The following CAMK2D variants were observed in gnomAD, a reference collection of about 807,000 sequenced individuals.
CAMK2D encodes calcium/calmodulin dependent protein kinase II delta.
CAMK2D carries 37 observed loss-of-function variants against 84.0 expected under a neutral mutation model. The ratio of observed to expected loss-of-function variants is 0.44; its 90% CI spans 0.34 to 0.58. The LOEUF (loss-of-function observed/expected upper bound fraction) is 0.58. Among genes scored for constraint, CAMK2D ranks in the 20% least tolerant of loss-of-function variants. The pLI, the probability that CAMK2D is intolerant of heterozygous loss-of-function variation, is 0.02. For missense variants in CAMK2D, 448 were observed against 652.5 expected (o/e 0.69, Z 3.41); for synonymous variants, 202 against 212.5 (o/e 0.95, Z 0.43).
At chr4:113,758,922 A>G (rs2099634675) in intron 2 of CAMK2D, among the ~76,000 whole-genome samples, 1 of 152,170 alleles carries the variant, frequency 6.6e-6, no homozygotes, top group South Asian at 2.1e-4. Flanking sequence ...GTATGATTCA[A>G]CTGAGCTATG....
At chr4:113,556,295 T>C (rs1190622918) in intron 4 of CAMK2D, among the ~76,000 whole-genome samples, 2 of 152,198 alleles carry the variant, frequency 1.3e-5, no homozygotes, top group Non-Finnish European at 2.9e-5. Flanking sequence ...TTCTTGTCTG[T>C]GCTGCCCTAC....
At chr4:113,718,997 C>A (rs1593513866) in intron 2 of CAMK2D, among the ~76,000 whole-genome samples, 1 of 150,414 alleles carries the variant, frequency 6.6e-6, no homozygotes, top group South Asian at 2.1e-4. Flanking sequence ...AAATAGATAA[C>A]AATTTAACAA....
chr4:113,483,445 G>A lies in CAMK2D; in HGVS notation c.1135+17018C>T, dbSNP rs1030595495. Among the ~76,000 whole-genome samples the A allele has an allele frequency of 4.7e-5, 7 of 150,308 alleles. No homozygotes were observed. The East Asian group carries it at 5.8e-4, about 13-fold the overall frequency. On this transcript the variant is annotated intron_variant, in intron 16 of 20. Transcript: ENST00000511664. ...TTTGAGACAGAGTTTTGCTTTTGTC[G>A]CGCAGGCTGGAGTGCAGTGGCACAA...
intron 2 of CAMK2D, among the ~76,000 whole-genome samples, chr4:113,691,299 T>C (rs2099386317): frequency 6.6e-6 from 1 of 152,188 alleles, no homozygotes; most frequent in African/African-American, 2.4e-5. Flanking sequence ...GTTCAGAACA[T>C]GAAGGTATAT....
At chr4:113,484,901 T>C (rs1388448127) in intron 16 of CAMK2D, among the ~76,000 whole-genome samples, 2 of 152,314 alleles carry the variant, frequency 1.3e-5, no homozygotes, top group Non-Finnish European at 2.9e-5. Flanking sequence ...TCATGTTTGA[T>C]AGAAAACCTC....
At chr4:113,602,464 TAG>T (rs1388825410) in intron 4 of CAMK2D, among the ~76,000 whole-genome samples, 3 of 152,208 alleles carry the variant, frequency 2.0e-5, no homozygotes, top group Non-Finnish European at 4.4e-5. Flanking sequence ...CATAAATTTG[TAG>T]AGTTTTCTCT....
intron 11 of CAMK2D, 104 bp downstream of exon 11, chr4:113,513,726 G>A (rs2098249099): frequency 4.7e-6 from 3 of 636,430 alleles, no homozygotes; most frequent in Non-Finnish European, 8.5e-6. Context: ...GAGTATTGAG[G>A]TCTACATAAT....
At chr4:113,742,145 T>A (rs912718527) in intron 2 of CAMK2D, among the ~76,000 whole-genome samples, 6 of 152,168 alleles carry the variant, frequency 3.9e-5, no homozygotes, top group Non-Finnish European at 8.8e-5. Context: ...AGTTGCTCAA[T>A]AAATATTTGT....
At chr4:113,651,174 C>A (rs957434536) in intron 3 of CAMK2D, among the ~76,000 whole-genome samples, 1 of 152,138 alleles carries the variant, frequency 6.6e-6, no homozygotes, top group Non-Finnish European at 1.5e-5. Context: ...TCACTGTTTA[C>A]TTTCCTTCAA....
intron 8 of CAMK2D, among the ~76,000 whole-genome samples, chr4:113,522,876 G>A (rs1303712319): frequency 6.6e-6 from 1 of 152,214 alleles, no homozygotes; most frequent in Non-Finnish European, 1.5e-5. Context: ...GAGAATGTTT[G>A]TACGGCTCTC....
chr4:113,747,049 C>A (rs1051339643), intron 2 of CAMK2D, among the ~76,000 whole-genome samples: 5 of 150,778 alleles, frequency 3.3e-5, no homozygotes, highest in Non-Finnish European at 5.9e-5. Flanking sequence ...GGCAAGCAGT[C>A]CTCAAAACTA....
At chr4:113,635,314 C>T (rs575035949) in intron 3 of CAMK2D, among the ~76,000 whole-genome samples, 2 of 152,154 alleles carry the variant, frequency 1.3e-5, no homozygotes, top group South Asian at 4.2e-4. Flanking sequence ...ATAATTTGAC[C>T]AGTTATTATT....
intron 2 of CAMK2D, among the ~76,000 whole-genome samples, chr4:113,674,710 A>G (rs2099311061): frequency 1.3e-5 from 2 of 152,152 alleles, no homozygotes; most frequent in Admixed American, 6.5e-5. Flanking sequence ...ACTGAAAACA[A>G]TTTCTGACTT....
chr4:113,543,518 G>A (rs1342706726), intron 6 of CAMK2D, among the ~76,000 whole-genome samples: 6 of 151,834 alleles, frequency 4.0e-5, no homozygotes, highest in Non-Finnish European at 7.4e-5. Context: ...ACTGCACCGG[G>A]CCTACATACA....
At position 113,729,951 on chromosome 4, in the gene CAMK2D, G is replaced by A. The variant is rs116454160; in HGVS notation, c.160+29369C>T. On this transcript the variant is annotated intron_variant, in intron 2 of 20. Transcript: ENST00000511664. The stretch of plus-strand genomic sequence containing the variant: ...CCTCTAGAACTGTGAGAAATAAATC[G>A]CTGCTGTTTATAAGCCACCCAGTCT... Among the ~76,000 whole-genome samples, 932 of 152,204 alleles carry A rather than the reference G, an allele frequency of 6.1e-3. 5 individuals are homozygous for A. The highest frequency in any genetic ancestry group is 0.012 in the South Asian group (59 of 4,818).
chr4:113,695,825 A>G (rs191296690), intron 2 of CAMK2D, among the ~76,000 whole-genome samples: 1 of 152,226 alleles, frequency 6.6e-6, no homozygotes, highest in East Asian at 1.9e-4. Flanking sequence ...TTATCCCTGC[A>G]CACAAAACCT....
intron 16 of CAMK2D, among the ~76,000 whole-genome samples, chr4:113,474,686 C>T (rs1167361556): frequency 6.6e-6 from 1 of 151,570 alleles, no homozygotes; most frequent in East Asian, 1.9e-4. Context: ...TGCTCTTGTC[C>T]CCCAGGCTGG....
chr4:113,521,621 A>AT (rs2098360344), intron 8 of CAMK2D, among the ~76,000 whole-genome samples: 1 of 152,210 alleles, frequency 6.6e-6, no homozygotes, highest in Non-Finnish European at 1.5e-5. Context: ...AAAATTACAA[A>AT]TTAAGAATGA....
intron 4 of CAMK2D, among the ~76,000 whole-genome samples, chr4:113,554,898 T>C (rs1320866874): frequency 1.3e-5 from 2 of 152,094 alleles, no homozygotes; most frequent in African/African-American, 2.4e-5. Flanking sequence ...ATATCAATTA[T>C]AAATTTGAAG....
Sources: gnomAD v4.1 joint callset for allele counts (sites outside exome capture counted in the v4.1 genomes callset) on GRCh38, gnomAD v4.1.1 for gene constraint, MANE v1.5 for transcripts, NCBI Gene and HGNC (gene_info 2026-07-23, HGNC 2026-07-21) for gene names.